The following SMAD3 variants were observed in gnomAD, a reference collection of about 807,000 sequenced individuals.
The protein encoded by SMAD3 is MAD homolog 3.
Under a neutral mutation model 51.8 loss-of-function variants are expected in SMAD3, and 12 were observed. The observed-to-expected ratio is 0.23, with a 90% CI of 0.15 to 0.38. The LOEUF is 0.38. Ranked by LOEUF, SMAD3 falls within the 10% of genes least tolerant of loss-of-function variation. SMAD3 has a pLI of 1.00. For missense variants in SMAD3, 294 were observed against 565.6 expected (o/e 0.52, Z 4.87); for synonymous variants, 238 against 227.7 (o/e 1.05, Z -0.41).
intron 1 of SMAD3, among the ~76,000 whole-genome samples, chr15:67,135,740 C>T (rs1961643683): frequency 6.6e-6 from 1 of 152,150 alleles, no homozygotes; most frequent in Non-Finnish European, 1.5e-5. Context: ...AGAAGCATTG[C>T]CCTGCCTTGG....
At chr15:67,158,859 T>G (rs1305484691) in intron 1 of SMAD3, among the ~76,000 whole-genome samples, 3 of 152,194 alleles carry the variant, frequency 2.0e-5, no homozygotes, top group Non-Finnish European at 4.4e-5. Context: ...GGACCTACCG[T>G]GTTCCTTACT....
chr15:67,066,032 A>T lies in SMAD3; in HGVS notation c.-123A>T. On this transcript the variant is annotated 5_prime_UTR_variant, in exon 1 of 9. Coordinates refer to ENST00000327367, the MANE Select transcript of SMAD3 (RefSeq NM_005902.4). The stretch of plus-strand genomic sequence containing the variant: ...CCGGCGCCCCGGCAACTTCGCCGAG[A>T]GTTGAGGCGAAGTTTGGGCGACCGC... 1 of 455,856 alleles carries T rather than the reference A, an allele frequency of 2.2e-6. No individual in the cohort carries two copies. The highest frequency in any genetic ancestry group is 3.5e-6 in the Non-Finnish European group (1 of 286,868). The allele number at this position is 455,856 out of a possible 1,614,324, so 28.2% of individuals were successfully genotyped here. A position where few individuals can be genotyped will look rare whatever the true frequency, so the allele number is the denominator to read the frequency against.
chr15:67,098,752 T>A, intron 1 of SMAD3: 1 of 634,482 alleles, frequency 1.6e-6, no homozygotes, highest in Non-Finnish European at 2.9e-6. Flanking sequence ...TGTGGAGGCC[T>A]CCACAGCCCC....
intron 1 of SMAD3, among the ~76,000 whole-genome samples, chr15:67,150,228 G>A (rs1305095757): frequency 6.6e-6 from 1 of 152,158 alleles, no homozygotes; most frequent in Non-Finnish European, 1.5e-5. Flanking sequence ...CAGCACTTGT[G>A]ACATTGTTTT....
chr15:67,138,656 A>T (rs937212492), intron 1 of SMAD3: 4 of 152,562 alleles, frequency 2.6e-5, no homozygotes, highest in Admixed American at 1.3e-4. Context: ...GTCTCCTTCA[A>T]TTAGGCCTGT....
chr15:67,110,510 A>T (rs777952315), intron 1 of SMAD3, among the ~76,000 whole-genome samples: 3 of 152,214 alleles, frequency 2.0e-5, no homozygotes, highest in Non-Finnish European at 2.9e-5. Flanking sequence ...CCTACGTGAC[A>T]GTATTGACTT....
At chr15:67,067,828 A>G (rs1165529502) in intron 1 of SMAD3, among the ~76,000 whole-genome samples, 1 of 152,034 alleles carries the variant, frequency 6.6e-6, no homozygotes, top group Non-Finnish European at 1.5e-5. Context: ...GTGTGATGTG[A>G]TGGTCAGAGA....
At chr15:67,084,110 C>G (rs1418915461) in intron 1 of SMAD3, among the ~76,000 whole-genome samples, 2 of 118,402 alleles carry the variant, frequency 1.7e-5, no homozygotes, top group African/African-American at 6.3e-5. Context: ...GAGTCTCGCT[C>G]TGTCGCCCAG....
intron 1 of SMAD3, among the ~76,000 whole-genome samples, chr15:67,102,677 G>T (rs1182272278): frequency 6.6e-6 from 1 of 152,126 alleles, no homozygotes; most frequent in African/African-American, 2.4e-5. Flanking sequence ...TGAACCTCTT[G>T]GTGGTCCTGG....
intron 1 of SMAD3, among the ~76,000 whole-genome samples, chr15:67,087,803 CTT>C (rs745665161): frequency 5.9e-5 from 9 of 152,174 alleles, no homozygotes; most frequent in Non-Finnish European, 1.2e-4. Context: ...TAAAAAAAGA[CTT>C]ATATTTTCTG....
intron 1 of SMAD3, among the ~76,000 whole-genome samples, chr15:67,131,485 G>A (rs752920269): frequency 5.3e-5 from 8 of 152,210 alleles, no homozygotes; most frequent in Non-Finnish European, 1.2e-4. Context: ...AGCAATCACA[G>A]TGCTCCTGTT....
chr15:67,105,276 A>G (rs1960850937), intron 1 of SMAD3, among the ~76,000 whole-genome samples: 1 of 152,074 alleles, frequency 6.6e-6, no homozygotes, highest in African/African-American at 2.4e-5. Flanking sequence ...TGCGTTCTAC[A>G]GGGAGGGAGT....
intron 5 of SMAD3, among the ~76,000 whole-genome samples, chr15:67,172,076 G>A (rs1001127098): frequency 2.0e-5 from 3 of 152,164 alleles, no homozygotes; most frequent in African/African-American, 4.8e-5. Flanking sequence ...TGCCGGACAC[G>A]GTGCTCCAGA....
intron 1 of SMAD3, among the ~76,000 whole-genome samples, chr15:67,144,887 C>CT (rs1315458066): frequency 6.6e-6 from 1 of 152,174 alleles, no homozygotes; most frequent in East Asian, 1.9e-4. Context: ...CTGTGGTTCT[C>CT]TGATTCCTGC....
At chr15:67,073,557 C>T (rs978367932) in intron 1 of SMAD3, among the ~76,000 whole-genome samples, 1 of 152,144 alleles carries the variant, frequency 6.6e-6, no homozygotes, top group Non-Finnish European at 1.5e-5. Context: ...AGCTGTGTGA[C>T]CTGGGACAAG....
intron 1 of SMAD3, among the ~76,000 whole-genome samples, chr15:67,083,434 A>G (rs1356266066): frequency 3.3e-5 from 5 of 152,218 alleles, no homozygotes; most frequent in Non-Finnish European, 7.3e-5. Flanking sequence ...AGGAGGATGA[A>G]ATAACAGTAC....
chr15:67,135,765 G>C (rs1595920520), intron 1 of SMAD3, among the ~76,000 whole-genome samples: 1 of 152,004 alleles, frequency 6.6e-6, no homozygotes, highest in South Asian at 2.1e-4. Flanking sequence ...TTGGTGGTGG[G>C]GTATGTGTGT....
At chr15:67,143,588 C>T (rs533632661) in intron 1 of SMAD3, among the ~76,000 whole-genome samples, 1 of 152,152 alleles carries the variant, frequency 6.6e-6, no homozygotes, top group Admixed American at 6.5e-5. Context: ...GCATACACCA[C>T]TACGCCTGGC....
Position 67,098,360 on chromosome 15 carries a change from G to A in SMAD3, c.206+32000G>A, listed in dbSNP as rs62006013. On this transcript the variant is annotated intron_variant, in intron 1 of 8. Coordinates refer to ENST00000327367, the MANE Select transcript of SMAD3 (RefSeq NM_005902.4). ...GGAGGGAGGGAGGGAGAGAGCGAGC[G>A]AGCAAGCAAGCAAGCAAGCCAGCAG... is the stretch of plus-strand genomic sequence containing the variant. 1.4e-3 allele frequency among the ~76,000 whole-genome samples: 169 copies of A among 117,984 alleles called. 3 individuals are homozygous for A. Among genetic ancestry groups the A allele is most frequent in the East Asian group, 0.011 (28 of 2,536 alleles). The allele number at this position is 117,984 out of a possible 152,430, so 77.4% of individuals were successfully genotyped here. A position where few individuals can be genotyped will look rare whatever the true frequency, so the allele number is the denominator to read the frequency against.
Sources: allele counts gnomAD v4.1 joint callset (sites outside exome capture counted in the v4.1 genomes callset), GRCh38; gene constraint gnomAD v4.1.1; transcripts MANE v1.5; gene names NCBI Gene and HGNC (gene_info 2026-07-23, HGNC 2026-07-21).